Variants in SLC44A1 observed in about 807,000 individuals in gnomAD.
SLC44A1 encodes the protein solute carrier family 44 member 1, also known as choline transporter-like protein 1.
A neutral mutation model predicts 79.3 loss-of-function variants in SLC44A1; 26 were observed. That is an observed-to-expected ratio of 0.33 (90% CI 0.24 to 0.46). The LOEUF (loss-of-function observed/expected upper bound fraction) is 0.46. Ranked by LOEUF, SLC44A1 falls within the 20% of genes least tolerant of loss-of-function variation. The pLI is 1.00. For synonymous variants in SLC44A1, 263 were observed against 286.2 expected (o/e 0.92, Z 0.82); for missense variants, 688 against 798.1 (o/e 0.86, Z 1.66).
rs1828854562 is a variant in SLC44A1 at position 105,395,320 on chromosome 9, G to A, written c.*6264G>A. On this transcript the variant is annotated 3_prime_UTR_variant, in exon 16 of 16. Transcript: ENST00000374720. Reference sequence around the variant, plus strand: ...TGCAACCTCCACCTCCCAGGTTCAAGTGATTCTCCTGCATCAGCCTCCTGA... The same window carrying A: ...TGCAACCTCCACCTCCCAGGTTCAAATGATTCTCCTGCATCAGCCTCCTGA... The A allele has an allele frequency of 2.2e-6, 1 of 450,072 alleles. No homozygotes were observed. Among genetic ancestry groups the A allele is most frequent in the South Asian group, 9.4e-5 (1 of 10,658 alleles). The allele number at this position is 450,072 out of a possible 1,614,324, so 27.9% of individuals were successfully genotyped here. A position where few individuals can be genotyped will look rare whatever the true frequency, so the allele number is the denominator to read the frequency against.
chr9:105,377,772 A>G (rs906274856), intron 13 of SLC44A1, among the ~76,000 whole-genome samples: 2 of 152,034 alleles, frequency 1.3e-5, no homozygotes, highest in African/African-American at 4.8e-5. Flanking sequence ...AAAAAAAAAA[A>G]AGAGAAGAAT....
intron 10 of SLC44A1, 127 bp downstream of exon 10, chr9:105,364,847 A>G (rs1588836011): frequency 1.4e-6 from 1 of 692,388 alleles, no homozygotes; most frequent in East Asian, 2.7e-5. Context: ...TTAGAAATGA[A>G]TATGACAGAG....
intron 3 of SLC44A1, among the ~76,000 whole-genome samples, chr9:105,317,552 G>A (rs184908730): frequency 6.6e-6 from 1 of 152,138 alleles, no homozygotes; most frequent in Non-Finnish European, 1.5e-5. Flanking sequence ...GAGGGTTTGG[G>A]GACTGAGAGG....
intron 4 of SLC44A1, among the ~76,000 whole-genome samples, chr9:105,343,420 T>C (rs1827158810): frequency 6.6e-6 from 1 of 152,198 alleles, no homozygotes; most frequent in South Asian, 2.1e-4. Context: ...AATAAGTCTT[T>C]TTGATTATTG....
intron 1 of SLC44A1, among the ~76,000 whole-genome samples, chr9:105,277,840 A>C (rs1830245837): frequency 6.6e-6 from 1 of 152,206 alleles, no homozygotes; most frequent in South Asian, 2.1e-4. Context: ...AAATAAAACA[A>C]GAGCCAGCAC....
Position 105,393,388 on chromosome 9 carries a change from C to T in SLC44A1, c.*4332C>T, listed in dbSNP as rs892960971. ...CAAGAGAAAATCTAAAGCTAGCAAACTTAAAAAACAAAACAAAAATTACAC... is the reference window on the plus strand; with the variant it reads ...CAAGAGAAAATCTAAAGCTAGCAAATTTAAAAAACAAAACAAAAATTACAC... On this transcript the variant is annotated 3_prime_UTR_variant, in exon 16 of 16. Coordinates refer to ENST00000374720, the MANE Select transcript of SLC44A1 (RefSeq NM_080546.5). 4.1e-6 allele frequency: 4 copies of T among 985,198 alleles called. No homozygotes were observed. Among genetic ancestry groups the T allele is most frequent in the Middle Eastern group, 1.0e-3 (2 of 1,910 alleles). 61.0% of individuals were successfully genotyped at this position (985,198 alleles called of 1,614,324 possible). A position where few individuals can be genotyped will look rare whatever the true frequency, so the allele number is the denominator to read the frequency against.
chr9:105,414,274 C>T (rs866161104), intron 15 of SLC44A1, among the ~76,000 whole-genome samples: 3 of 152,090 alleles, frequency 2.0e-5, no homozygotes, highest in Non-Finnish European at 4.4e-5. Flanking sequence ...CCAGGATGGT[C>T]TCTATCTCCT....
At chr9:105,293,745 C>T (rs1246835678) in intron 1 of SLC44A1, among the ~76,000 whole-genome samples, 1 of 152,174 alleles carries the variant, frequency 6.6e-6, no homozygotes, top group Non-Finnish European at 1.5e-5. Flanking sequence ...ATTTATTCAA[C>T]AACTGTATCT....
At chr9:105,429,742 T>TA (rs1451990743) in intron 15 of SLC44A1, among the ~76,000 whole-genome samples, 1 of 152,164 alleles carries the variant, frequency 6.6e-6, no homozygotes, top group African/African-American at 2.4e-5. Context: ...TTGCAAATAG[T>TA]AAAAACATTA....
In SLC44A1 at chr9:105,394,540, A is replaced by G. The variant is rs1465571036; in HGVS notation, c.*5484A>G. The stretch of plus-strand genomic sequence containing the variant: ...AAAAAAAATATCCAAGAAGAAATAA[A>G]TAGGGAATCCTTGTAATTAATCCAT... On this transcript the variant is annotated 3_prime_UTR_variant, in exon 16 of 16. Transcript: ENST00000374720. 3.0e-6 allele frequency: 3 copies of G among 984,858 alleles called. No homozygotes were observed. In the East Asian group the frequency reaches 3.4e-4, roughly 112 times the overall value. The allele number at this position is 984,858 out of a possible 1,614,324, so 61.0% of individuals were successfully genotyped here.
At chr9:105,279,522 T>C (rs996748839) in intron 1 of SLC44A1, among the ~76,000 whole-genome samples, 1 of 152,120 alleles carries the variant, frequency 6.6e-6, no homozygotes, top group Non-Finnish European at 1.5e-5. Flanking sequence ...TTCACCATGT[T>C]GGCCAGGATG....
intron 4 of SLC44A1, among the ~76,000 whole-genome samples, chr9:105,342,674 A>G (rs982199990): frequency 3.3e-5 from 5 of 152,130 alleles, no homozygotes; most frequent in African/African-American, 1.2e-4. Flanking sequence ...CACTGTCCCC[A>G]TTGTTCAGCA....
chr9:105,406,959 C>A (rs1184462119), intron 15 of SLC44A1, among the ~76,000 whole-genome samples: 1 of 151,952 alleles, frequency 6.6e-6, no homozygotes, highest in Non-Finnish European at 1.5e-5. Context: ...AATAGAAAAC[C>A]TGGAGTTGAA....
At chr9:105,288,108 G>A (rs576349734) in intron 1 of SLC44A1, among the ~76,000 whole-genome samples, 45 of 152,140 alleles carry the variant, frequency 3.0e-4, no homozygotes, top group African/African-American at 1.1e-3. Flanking sequence ...TTACATATTT[G>A]CATATTCTCC....
At chr9:105,319,211 A>G (rs534801852) in intron 3 of SLC44A1, among the ~76,000 whole-genome samples, 4 of 152,292 alleles carry the variant, frequency 2.6e-5, no homozygotes, top group East Asian at 1.9e-4. Flanking sequence ...TCAGGGGTCC[A>G]TAAAACCACC....
rs1348821107 is a variant in SLC44A1, at chr9:105,390,871, C to T, written c.*1815C>T. ...GAGTAGCTATTTTGAAAGAATAATT[C>T]TCCAGAAGTTAACATCTAATATCTA... On this transcript the variant is annotated 3_prime_UTR_variant, in exon 16 of 16. Transcript: ENST00000374720. 1 of 985,146 alleles carries T rather than the reference C, an allele frequency of 1.0e-6. No homozygotes were observed. Among genetic ancestry groups the T allele is most frequent in the Non-Finnish European group, 1.2e-6 (1 of 829,602 alleles). 61.0% of individuals were successfully genotyped at this position (985,146 alleles called of 1,614,324 possible). A position where few individuals can be genotyped will look rare whatever the true frequency, so the allele number is the denominator to read the frequency against.
intron 1 of SLC44A1, among the ~76,000 whole-genome samples, chr9:105,291,187 CTTTTA>C (rs374316120): frequency 1.0e-3 from 153 of 152,294 alleles, no homozygotes; most frequent in African/African-American, 3.6e-3. Flanking sequence ...TACATCAGCT[CTTTTA>C]TTTTTTTGTT....
At chr9:105,401,104 C>G (rs907713317), downstream of SLC44A1, among the ~76,000 whole-genome samples, 20 of 152,178 alleles carry the variant, frequency 1.3e-4, no homozygotes, top group African/African-American at 4.8e-4. Flanking sequence ...TCTACAGAAG[C>G]TTGGAAAAGA....
chr9:105,282,655 T>G (rs1830382286), intron 1 of SLC44A1, among the ~76,000 whole-genome samples: 1 of 152,114 alleles, frequency 6.6e-6, no homozygotes, highest in Non-Finnish European at 1.5e-5. Context: ...TTCAACCAAT[T>G]CTCCTGCCTC....
Sources: gnomAD v4.1 joint callset for allele counts (sites outside exome capture counted in the v4.1 genomes callset) on GRCh38, gnomAD v4.1.1 for gene constraint, MANE v1.5 for transcripts, NCBI Gene and HGNC (gene_info 2026-07-23, HGNC 2026-07-21) for gene names.